ACSM2B: variants seen among roughly 807,000 people sequenced by gnomAD.
ACSM2B encodes acyl-coenzyme A synthetase ACSM2B, mitochondrial.
Under a neutral mutation model 78.6 loss-of-function variants are expected in ACSM2B, and 58 were observed. That is an observed-to-expected ratio of 0.74 (90% CI 0.60 to 0.92). ACSM2B has a LOEUF of 0.92. Among genes scored for constraint, ACSM2B ranks in the 40% least tolerant of loss-of-function variants. The pLI, the probability that ACSM2B is intolerant of heterozygous loss-of-function variation, is 0.00. For synonymous variants in ACSM2B, 257 were observed against 256.8 expected (o/e 1.00, Z -0.01); for missense variants, 688 against 711.2 (o/e 0.97, Z 0.37).
At chr16:20,576,088 T>A (rs2016242395) in intron 1 of ACSM2B, 119 bp downstream of exon 1, 1 of 148,938 alleles carries the variant, frequency 6.7e-6, no homozygotes, top group African/African-American at 2.6e-5. Context: ...TCATGGTCCC[T>A]AGGAATTTCT....
intron 2 of ACSM2B, among the ~76,000 whole-genome samples, chr16:20,564,088 C>T (rs530516616): frequency 9.2e-5 from 14 of 152,070 alleles, no homozygotes; most frequent in African/African-American, 3.4e-4. Context: ...AAGACTCAGT[C>T]TTTGTTCAGT....
chr16:20,560,197 CA>C (rs1168487802), intron 2 of ACSM2B, among the ~76,000 whole-genome samples: 1 of 151,110 alleles, frequency 6.6e-6, no homozygotes, highest in African/African-American at 2.5e-5. Context: ...CCCTGATAAA[CA>C]CCATTCTACT....
At chr16:20,539,774 T>C (rs1179492073) in intron 13 of ACSM2B, among the ~76,000 whole-genome samples, 5 of 151,216 alleles carry the variant, frequency 3.3e-5, no homozygotes, top group Non-Finnish European at 7.4e-5. Flanking sequence ...AACATGCTCA[T>C]TTTCTACTGG....
At chr16:20,572,974 A>AT (rs59811675) in intron 1 of ACSM2B, among the ~76,000 whole-genome samples, 16,075 of 137,772 alleles carry the variant, frequency 0.12, 1,857 homozygotes, top group African/African-American at 0.3. Context: ...CATAACTTGT[A>AT]TTTTTTTTTT....
At chr16:20,549,298 A>C in intron 6 of ACSM2B, among the ~76,000 whole-genome samples, 1 of 152,118 alleles carries the variant, frequency 6.6e-6, no homozygotes, top group East Asian at 1.9e-4. Context: ...TGAAGAAAAT[A>C]AATTTATTTC....
chr16:20,566,215 T>C (rs2015826763), intron 1 of ACSM2B, among the ~76,000 whole-genome samples: 1 of 136,234 alleles, frequency 7.3e-6, no homozygotes, highest in Admixed American at 8.0e-5. Flanking sequence ...TCATGCTCTC[T>C]CTCTCCCATA....
At chr16:20,538,561 T>G (rs1470705434) in intron 13 of ACSM2B, among the ~76,000 whole-genome samples, 1 of 152,096 alleles carries the variant, frequency 6.6e-6, no homozygotes, top group Non-Finnish European at 1.5e-5. Flanking sequence ...TAGAAAGGAC[T>G]GGATGTAGTT....
rs2015209316 is a variant in ACSM2B at position 20,548,433 on chromosome 16, G to C, written c.935C>G (p.Pro312Arg). Reference sequence around the variant, plus strand: ...CTGTAGCAACATCCGGTAAACAATAGGGGCACCCATCATACTCTTGATTGG... The same window carrying C: ...CTGTAGCAACATCCGGTAAACAATACGGGCACCCATCATACTCTTGATTGG... ...SYPIKSMMGAPIVYRMLLQQD... is the reference protein window; with the variant it reads ...SYPIKSMMGARIVYRMLLQQD... The change falls in exon 7 of 14, where the codon CCT (proline) becomes CGT (arginine). Residue 312 changes from proline (P) to arginine (R), a missense_variant. Coordinates refer to ENST00000329697, the MANE Select transcript of ACSM2B (RefSeq NM_001105069.2). The C allele has an allele frequency of 6.2e-7, 1 of 1,613,506 alleles. No individual in the cohort carries two copies. The highest frequency in any genetic ancestry group is 1.7e-5 in the Admixed American group (1 of 59,984).
At chr16:20,563,303 T>C (rs1296273753) in intron 2 of ACSM2B, among the ~76,000 whole-genome samples, 1 of 152,196 alleles carries the variant, frequency 6.6e-6, no homozygotes, top group East Asian at 1.9e-4. Context: ...TTGTGAACTA[T>C]CTGTTCATAT....
At chr16:20,567,806 T>C (rs2015972287) in intron 1 of ACSM2B, among the ~76,000 whole-genome samples, 1 of 141,134 alleles carries the variant, frequency 7.1e-6, no homozygotes, top group Admixed American at 7.6e-5. Context: ...TATATAATAG[T>C]ATGGTATGTA....
intron 13 of ACSM2B, among the ~76,000 whole-genome samples, chr16:20,539,612 T>A (rs949992944): frequency 6.6e-6 from 1 of 151,934 alleles, no homozygotes; most frequent in Non-Finnish European, 1.5e-5. Flanking sequence ...GGGAGCTCTC[T>A]CCCCCATCCC....
chr16:20,547,721 G>A, intron 8 of ACSM2B: 1 of 1,085,612 alleles, frequency 9.2e-7, no homozygotes, highest in Middle Eastern at 4.2e-4. Flanking sequence ...CCATCACAGA[G>A]GAACTTTCTG....
chr16:20,555,731 C>T (rs1206811506), intron 3 of ACSM2B, among the ~76,000 whole-genome samples: 1 of 152,274 alleles, frequency 6.6e-6, no homozygotes, highest in East Asian at 1.9e-4. Flanking sequence ...ACACTGTTGA[C>T]AGTCTAAGAC....
At chr16:20,575,895 T>C (rs571754426) in intron 1 of ACSM2B, 2 of 151,772 alleles carry the variant, frequency 1.3e-5, no homozygotes, top group African/African-American at 2.4e-5. Flanking sequence ...TTTTCCATAA[T>C]AAGCTCTTCT....
chr16:20,566,394 T>A (rs1176981881), intron 1 of ACSM2B, among the ~76,000 whole-genome samples: 2 of 132,768 alleles, frequency 1.5e-5, no homozygotes, highest in Non-Finnish European at 3.1e-5. Flanking sequence ...CTACATTATA[T>A]GTGGATATAT....
In ACSM2B at chr16:20,537,196, G is replaced by A. The variant is rs2014864674; in HGVS notation, c.*62C>T. ...TCTCATATCATCATAGTAAGGCCAA[G>A]GGCCCAAAGGGAAAAGAAAGAGAAA... On this transcript the variant is annotated 3_prime_UTR_variant, in exon 14 of 14. Coordinates refer to ENST00000329697, the MANE Select transcript of ACSM2B (RefSeq NM_001105069.2). The A allele has an allele frequency of 4.4e-6, 7 of 1,586,766 alleles. No individual in the cohort carries two copies. Among genetic ancestry groups the A allele is most frequent in the Admixed American group, 1.7e-5 (1 of 59,372 alleles).
At chr16:20,548,237 A>G (rs758181398) in intron 7 of ACSM2B, 52 bp from the exon 8 acceptor site, 3 of 1,613,206 alleles carry the variant, frequency 1.9e-6, no homozygotes, top group African/African-American at 2.7e-5. Flanking sequence ...ACCAAAGTCC[A>G]CTCAGGCCTA....
intron 6 of ACSM2B, among the ~76,000 whole-genome samples, chr16:20,549,332 T>C (rs1449908179): frequency 1.3e-5 from 2 of 152,042 alleles, no homozygotes; most frequent in Non-Finnish European, 2.9e-5. Flanking sequence ...GGCTGGAAAG[T>C]CCAAGGTCAA....
At chr16:20,546,181 C>T (rs1239306566) in intron 9 of ACSM2B, among the ~76,000 whole-genome samples, 1 of 152,010 alleles carries the variant, frequency 6.6e-6, no homozygotes, top group Non-Finnish European at 1.5e-5. Flanking sequence ...AAAGTGAGTC[C>T]TTCTGGATGG....
Sources: gnomAD v4.1 joint callset for allele counts (sites outside exome capture counted in the v4.1 genomes callset) on GRCh38, gnomAD v4.1.1 for gene constraint, MANE v1.5 for transcripts, NCBI Gene and HGNC (gene_info 2026-07-23, HGNC 2026-07-21) for gene names.